AEN: variants seen among roughly 807,000 people sequenced by gnomAD.
The protein encoded by AEN is apoptosis enhancing nuclease.
Under a neutral mutation model 17.7 loss-of-function variants are expected in AEN, and 21 were observed. The observed-to-expected ratio is 1.19, with a 90% CI of 0.84 to 1.71. The LOEUF (loss-of-function observed/expected upper bound fraction) is 1.71. AEN is among the 40% of genes most tolerant of loss of function. The pLI is 0.00. For missense variants in AEN, 462 were observed against 435.9 expected, an observed-to-expected ratio of 1.06 and a Z score of -0.53; for synonymous variants, 190 against 173.0, an observed-to-expected ratio of 1.10 and a Z score of -0.77.
chr15:88,611,630 G>A, the AEN span, among the ~76,000 whole-genome samples: 1 of 151,938 alleles, frequency 6.6e-6, no homozygotes, highest in African/African-American at 2.4e-5. Context: ...GTCCATTATA[G>A]AAAGTAGAAC....
At chr15:88,608,865 C>G in the AEN span, among the ~76,000 whole-genome samples, 1 of 152,234 alleles carries the variant, frequency 6.6e-6, no homozygotes, top group Non-Finnish European at 1.5e-5. Flanking sequence ...TATCCTGGAA[C>G]TGGAGATTAT....
At chr15:88,613,672 T>C in the AEN span, among the ~76,000 whole-genome samples, 2 of 151,986 alleles carry the variant, frequency 1.3e-5, no homozygotes, top group Non-Finnish European at 2.9e-5. Flanking sequence ...GGCTCTGAAG[T>C]CAAACATGTG....
At chr15:88,622,752 G>A (rs997658480) in intron 1 of AEN, among the ~76,000 whole-genome samples, 2 of 152,094 alleles carry the variant, frequency 1.3e-5, no homozygotes, top group African/African-American at 4.8e-5. Context: ...CCCAGGCCTG[G>A]TTTTGGGTCT....
At chr15:88,618,336 C>T (rs1598384689), upstream of AEN, among the ~76,000 whole-genome samples, 2 of 152,122 alleles carry the variant, frequency 1.3e-5, no homozygotes, top group Non-Finnish European at 2.9e-5. Flanking sequence ...CCCTATTGTA[C>T]ATTTCTGTCA....
At chr15:88,622,655 C>T (rs547003902) in intron 1 of AEN, among the ~76,000 whole-genome samples, 1 of 152,130 alleles carries the variant, frequency 6.6e-6, no homozygotes, top group African/African-American at 2.4e-5. Flanking sequence ...TTCACAGTGT[C>T]CTTCTATACA....
chr15:88,616,099 T>A, the AEN span, among the ~76,000 whole-genome samples: 9 of 45,804 alleles, frequency 2.0e-4, no homozygotes, highest in Non-Finnish European at 3.7e-4. Flanking sequence ...GCGTTTTTTG[T>A]TTTTTTTTCT....
chr15:88,605,887 G>T, the AEN span, among the ~76,000 whole-genome samples: 1 of 152,244 alleles, frequency 6.6e-6, no homozygotes, highest in Admixed American at 6.5e-5. The surrounding 1 kb of genome is among the most constrained non-coding windows in gnomAD (Gnocchi z 7.6). Context: ...CGGCCTCCCA[G>T]CCCACGCCAC....
chr15:88,631,133 C>T lies in AEN; in HGVS notation c.*839C>T. Reference sequence around the variant, plus strand: ...CAGTACTGGGCTCTTAAGCAAAAGTCTGAGAAACAAGACAGTGGTTTGAAT... The same window carrying T: ...CAGTACTGGGCTCTTAAGCAAAAGTTTGAGAAACAAGACAGTGGTTTGAAT... On this transcript the variant is annotated 3_prime_UTR_variant, in exon 4 of 4. Transcript: ENST00000332810. 1 of 456,712 alleles carries T rather than the reference C, an allele frequency of 2.2e-6. No individual in the cohort carries two copies. Among genetic ancestry groups the T allele is most frequent in the Non-Finnish European group, 4.4e-6 (1 of 226,966 alleles). 28.3% of individuals were successfully genotyped at this position (456,712 alleles called of 1,614,324 possible). A position where few individuals can be genotyped will look rare whatever the true frequency, so the allele number is the denominator to read the frequency against.
intron 1 of AEN, 173 bp downstream of exon 1, chr15:88,621,555 C>G (rs1160912653): frequency 6.6e-6 from 1 of 152,268 alleles, no homozygotes; most frequent in African/African-American, 2.4e-5. Context: ...CCGCCTGTCT[C>G]CAGCCCTCGC....
chr15:88,611,889 C>A, the AEN span: 6 of 518,242 alleles, frequency 1.2e-5, no homozygotes, highest in African/African-American at 9.8e-5. Flanking sequence ...TGTCTTACTG[C>A]GCTCAACAAC....
chr15:88,617,683 T>C (rs1199837927), upstream of AEN, among the ~76,000 whole-genome samples: 2 of 152,106 alleles, frequency 1.3e-5, no homozygotes, highest in African/African-American at 4.8e-5. Flanking sequence ...TCTCGGGTTC[T>C]GGAAATGGCT....
chr15:88,625,398 G>A (rs1463224367), intron 1 of AEN, among the ~76,000 whole-genome samples: 2 of 151,980 alleles, frequency 1.3e-5, no homozygotes, highest in Non-Finnish European at 2.9e-5. Context: ...TGTACCTGTA[G>A]TCCCAGCTAC....
chr15:88,609,253 C>T, the AEN span, among the ~76,000 whole-genome samples: 2 of 152,116 alleles, frequency 1.3e-5, no homozygotes, highest in East Asian at 3.8e-4. Flanking sequence ...TGTCTTGTAC[C>T]CCTTTGATTC....
intron 1 of AEN, among the ~76,000 whole-genome samples, chr15:88,623,476 C>T (rs72763845): frequency 0.046 from 6,930 of 152,246 alleles, 247 homozygotes; most frequent in Non-Finnish European, 0.069. Flanking sequence ...CTTTCTACAC[C>T]CTTCTGAAGA....
At chr15:88,606,300 G>C in the AEN span, among the ~76,000 whole-genome samples, 1 of 152,142 alleles carries the variant, frequency 6.6e-6, no homozygotes, top group Non-Finnish European at 1.5e-5. Flanking sequence ...AAGGGAAAGA[G>C]TGGGGTGGAG....
chr15:88,628,474 G>T (rs750751084), intron 2 of AEN: 22 of 152,430 alleles, frequency 1.4e-4, no homozygotes, highest in African/African-American at 4.8e-4. Context: ...AGCAGGGAAG[G>T]GAGGTACACA....
At chr15:88,613,937 C>A in the AEN span, among the ~76,000 whole-genome samples, 1 of 152,204 alleles carries the variant, frequency 6.6e-6, no homozygotes, top group Non-Finnish European at 1.5e-5. Flanking sequence ...ACCCACAAAT[C>A]TGCCATCCTG....
the AEN span, among the ~76,000 whole-genome samples, chr15:88,606,226 C>G: frequency 6.6e-6 from 1 of 152,168 alleles, no homozygotes; most frequent in African/African-American, 2.4e-5. Flanking sequence ...GCTCTCTCCC[C>G]CTTCCTTTTT....
chr15:88,611,233 T>C, the AEN span, among the ~76,000 whole-genome samples: 6 of 152,072 alleles, frequency 3.9e-5, no homozygotes, highest in African/African-American at 1.4e-4. Context: ...GCTTTATGAT[T>C]AGTAAAGGAA....
Sources: gnomAD v4.1 joint callset for allele counts (sites outside exome capture counted in the v4.1 genomes callset) on GRCh38, gnomAD v4.1.1 for gene constraint, Gnocchi (gnomAD v3.1) non-coding constraint, MANE v1.5 for transcripts, NCBI Gene and HGNC (gene_info 2026-07-23, HGNC 2026-07-21) for gene names.